Variants in PATJ observed in about 807,000 individuals in gnomAD.
The protein encoded by PATJ is inaD-like protein.
PATJ carries 190 observed loss-of-function variants against 224.9 expected under a neutral mutation model. That is an observed-to-expected ratio of 0.84 (90% confidence interval 0.75 to 0.95). The LOEUF is 0.95. Among genes scored for constraint, PATJ ranks in the 40% least tolerant of loss-of-function variants. The probability of loss-of-function intolerance (pLI) is 0.00; values close to 1 mark genes in which losing one functional copy is unlikely to be tolerated. For missense variants in PATJ, 2,121 were observed against 2,270.3 expected, an observed-to-expected ratio of 0.93 and a Z score of 1.34; for synonymous variants, 769 against 820.3, an observed-to-expected ratio of 0.94 and a Z score of 1.07.
Position 61,901,364 on chromosome 1 carries a change from G to A in PATJ, c.3286G>A (p.Gly1096Arg), listed in dbSNP as rs1671129521. The A allele has an allele frequency of 6.3e-7, 1 of 1,588,566 alleles. No individual in the cohort carries two copies. Among genetic ancestry groups the A allele is most frequent in the Non-Finnish European group, 8.5e-7 (1 of 1,171,086 alleles). ...AACTGTTATAAAACGTCTAAAGAAT[G>A]GAGAGGAGCTTAAAGGTATATTCAT... is the stretch of plus-strand genomic sequence containing the variant. The part of the protein sequence containing the change: ...GQTVIKRLKN[G>R]EELKGIFIKQ... The change falls in exon 24 of 44, where the codon GGA (glycine) becomes AGA (arginine). Residue 1096 changes from glycine (G) to arginine (R), a missense_variant. By Grantham distance (125) the Gly-to-Arg change is moderately radical. Transcript: ENST00000642238.
chr1:61,990,332 G>A lies in PATJ; in HGVS notation c.3835G>A (p.Gly1279Arg), dbSNP rs907450881. The change falls in exon 28 of 44, where the codon GGA becomes AGA. Residue 1279 changes from glycine (G) to arginine (R), a missense_variant. By Grantham distance (125) the Gly-to-Arg change is moderately radical (BLOSUM62 -2). Coordinates refer to ENST00000642238, the MANE Select transcript of PATJ (RefSeq NM_001350145.3). ...INPEGPAAAD[G>R]RMRIGDELLE... ...CCCGGAAGGACCTGCTGCCGCAGATGGACGAATGCGTATTGGAGATGAACT... is the reference window on the plus strand; with the variant it reads ...CCCGGAAGGACCTGCTGCCGCAGATAGACGAATGCGTATTGGAGATGAACT... 19 of 1,612,774 alleles carry A rather than the reference G, an allele frequency of 1.2e-5. No individual in the cohort carries two copies. The highest frequency in any genetic ancestry group is 1.6e-5 in the Non-Finnish European group (19 of 1,179,760).
chr1:62,140,363 T>G (rs1667375307), intron 41 of PATJ, among the ~76,000 whole-genome samples: 1 of 152,156 alleles, frequency 6.6e-6, no homozygotes, highest in South Asian at 2.1e-4. Context: ...TTTTAAAAAT[T>G]GATTTTTGGC....
rs770821233 is a variant in PATJ, at chr1:61,884,328, T to C, written c.3051T>C (p.Tyr1017=). The C allele has an allele frequency of 1.2e-6, 2 of 1,613,626 alleles. No homozygotes were observed. Among genetic ancestry groups the C allele is most frequent in the South Asian group, 2.2e-5 (2 of 91,022 alleles). ...QRREQEDLPL[Y]QHQATRVISK... The stretch of plus-strand genomic sequence containing the variant: ...GGGAGCAAGAAGATTTGCCTTTATA[T>C]CAACACCAAGCGACACGAGTTATTT... Residue 1017 remains tyrosine (Y), a synonymous_variant, in exon 22 of 44, where the codon TAT becomes TAC. Transcript: ENST00000642238.
chr1:62,071,472 G>A (rs952541102), intron 31 of PATJ, among the ~76,000 whole-genome samples: 1 of 145,498 alleles, frequency 6.9e-6, no homozygotes, highest in Non-Finnish European at 1.5e-5. Context: ...CAAATAACCT[G>A]TTCAGGTTTG....
At chr1:61,768,624 G>A (rs989290452) in intron 4 of PATJ, among the ~76,000 whole-genome samples, 11 of 152,074 alleles carry the variant, frequency 7.2e-5, no homozygotes, top group Admixed American at 5.2e-4. Flanking sequence ...TTGCGGCTGG[G>A]CACTGTGGCT....
chr1:62,144,795 T>TATATATATATATATATATATAA (rs1558231544), intron 41 of PATJ, among the ~76,000 whole-genome samples: 1 of 146,258 alleles, frequency 6.8e-6, no homozygotes, highest in Admixed American at 6.9e-5. Flanking sequence ...TATATATATA[T>TATATATATATATATATATATAA]AATTAGCAGA....
chr1:61,984,161 A>ATTTTTTT, intron 27 of PATJ, among the ~76,000 whole-genome samples: 1 of 129,624 alleles, frequency 7.7e-6, no homozygotes, highest in Non-Finnish European at 1.6e-5. Flanking sequence ...TATTATTATT[A>ATTTTTTT]TTATTTTTTT....
Position 62,108,416 on chromosome 1 carries a change from G to A in PATJ, c.4378-21G>A, listed in dbSNP as rs973801692. On this transcript the variant is annotated intron_variant, in intron 33 of 43. Transcript: ENST00000642238. ...AAGCATTTGTGGTTGTTGAAAATGA[G>A]TAAGATTTTATTTTTTATAGAATGC... 3.9e-5 allele frequency: 59 copies of A among 1,528,184 alleles called. 1 individual carries two copies. The East Asian group carries it at 1.3e-3, about 34-fold the overall frequency. The allele number at this position is 1,528,184 out of a possible 1,614,324, so 94.7% of individuals were successfully genotyped here.
At position 62,018,703 on chromosome 1, in the gene PATJ, T is replaced by C. The variant is rs944636201; in HGVS notation, c.3959+756T>C. Among the ~76,000 whole-genome samples the C allele has an allele frequency of 6.6e-5, 10 of 152,192 alleles. No individual in the cohort carries two copies. The highest frequency in any genetic ancestry group is 1.0e-4 in the Non-Finnish European group (7 of 68,030). ...ATGGGATAATAAAGCATCTCCCTCA[T>C]TCATTGTGATATTTCAGAAATTGAA... On this transcript the variant is annotated intron_variant, in intron 29 of 43. Transcript: ENST00000642238. The surrounding 1 kb of genome is among the most constrained non-coding windows in gnomAD (Gnocchi z 4.2).
intron 28 of PATJ, among the ~76,000 whole-genome samples, chr1:62,007,361 A>C (rs1192124018): frequency 6.6e-6 from 1 of 152,230 alleles, no homozygotes; most frequent in African/African-American, 2.4e-5. Flanking sequence ...GGAAGCTAAA[A>C]ACAGATAAGA....
In PATJ at chr1:62,000,693, A is replaced by G. The variant is rs1376192476; in HGVS notation, c.3867+10329A>G. ...GTGTCTTTATAGCAGCATGATTTAT[A>G]GTCCTTTGGGTATATACCCAGTAAT... On this transcript the variant is annotated intron_variant, in intron 28 of 43. Transcript: ENST00000642238. Among the ~76,000 whole-genome samples the G allele has an allele frequency of 2.6e-5, 4 of 151,042 alleles. No individual in the cohort carries two copies. In the East Asian group the frequency reaches 7.8e-4, roughly 29 times the overall value.
intron 27 of PATJ, among the ~76,000 whole-genome samples, chr1:61,948,330 T>C (rs948824419): frequency 6.6e-6 from 1 of 152,182 alleles, no homozygotes; most frequent in Non-Finnish European, 1.5e-5. Flanking sequence ...AAAGGGCTAA[T>C]ATCCAGAATC....
chr1:61,796,583 G>A (rs891319494), intron 10 of PATJ, among the ~76,000 whole-genome samples: 2 of 152,028 alleles, frequency 1.3e-5, no homozygotes, highest in Non-Finnish European at 2.9e-5. Flanking sequence ...GCTTTCTAGT[G>A]TGTGAGGAAG....
intron 31 of PATJ, among the ~76,000 whole-genome samples, chr1:62,077,875 G>A (rs1007025396): frequency 6.6e-6 from 1 of 152,112 alleles, no homozygotes; most frequent in Admixed American, 6.6e-5. Context: ...TGACATTTAT[G>A]CTTGGTTTTC....
At chr1:61,969,746 T>C (rs1279227690) in intron 27 of PATJ, among the ~76,000 whole-genome samples, 2 of 152,092 alleles carry the variant, frequency 1.3e-5, no homozygotes, top group African/African-American at 4.8e-5. Context: ...CAGGCTGGAG[T>C]GCAGTGGTGT....
chr1:61,905,853 A>T (rs982018290), intron 24 of PATJ, among the ~76,000 whole-genome samples: 4 of 152,096 alleles, frequency 2.6e-5, no homozygotes, highest in African/African-American at 9.7e-5. Context: ...CACCGACTGG[A>T]TGTCTTATAA....
chr1:61,981,916 G>A (rs575098952), intron 27 of PATJ, among the ~76,000 whole-genome samples: 2 of 152,020 alleles, frequency 1.3e-5, no homozygotes, highest in Non-Finnish European at 2.9e-5. Flanking sequence ...TGATCCACCC[G>A]CCTTGGCCTC....
intron 31 of PATJ, chr1:62,078,785 A>G (rs1458228270): frequency 6.6e-6 from 1 of 151,028 alleles, no homozygotes; most frequent in South Asian, 2.1e-4. Context: ...TTCATCAAGC[A>G]CTTTATTGAG....
At chr1:62,102,178 CAAATAAATAAATAAAT>C (rs112794744) in intron 33 of PATJ, among the ~76,000 whole-genome samples, 8 of 150,140 alleles carry the variant, frequency 5.3e-5, no homozygotes, top group South Asian at 2.1e-4. Context: ...GACCCTGTCT[CAAATAAATAAATAAAT>C]AAATAAATAA....
Sources: gnomAD v4.1 joint callset for allele counts (sites outside exome capture counted in the v4.1 genomes callset) on GRCh38, gnomAD v4.1.1 for gene constraint, Gnocchi (gnomAD v3.1) non-coding constraint, MANE v1.5 for transcripts, NCBI Gene and HGNC (gene_info 2026-07-23, HGNC 2026-07-21) for gene names.